The following TNFRSF18 variants were observed in gnomAD, a reference collection of about 807,000 sequenced individuals.
TNFRSF18 encodes the protein TNF receptor superfamily member 18.
Under a neutral mutation model 30.2 loss-of-function variants are expected in TNFRSF18, and 36 were observed. The ratio of observed to expected loss-of-function variants is 1.19; its 90% CI spans 0.91 to 1.58. The LOEUF is 1.58. Among genes scored for constraint, TNFRSF18 ranks in the 40% most tolerant of loss-of-function variants. TNFRSF18 has a pLI of 0.00. For missense variants in TNFRSF18, 369 were observed against 345.4 expected, an observed-to-expected ratio of 1.07 and a Z score of -0.54; for synonymous variants, 173 against 158.3, an observed-to-expected ratio of 1.09 and a Z score of -0.70.
chr1:1,204,514 G>C, intron 2 of TNFRSF18, 28 bp from the exon 3 acceptor site: 1 of 650,952 alleles, frequency 1.5e-6, no homozygotes, highest in Non-Finnish European at 2.9e-6. Flanking sequence ...GGGAGGGAGG[G>C]AGGGAGGCTG....
rs201894449 is a variant in TNFRSF18 at position 1,203,928 on chromosome 1, G to T, written c.642C>A (p.Asp214Glu). The T allele has an allele frequency of 3.2e-5, 51 of 1,607,656 alleles. No homozygotes were observed. The highest frequency in any genetic ancestry group is 4.2e-5 in the Non-Finnish European group (49 of 1,179,484). The change falls in exon 5 of 5, where the codon GAC (aspartate) becomes GAA (glutamate). Residue 214 changes from aspartate to glutamate, a missense_variant. Physicochemically the swap from Asp to Glu is conservative, Grantham distance 45. Coordinates refer to ENST00000379268, the MANE Select transcript of TNFRSF18 (RefSeq NM_004195.3). ...LLLEVPPSTE[D>E]ARSCQFPEEE... ...CCTCGGGGAACTGGCAGCTTCTGGC[G>T]TCTTCGGTCGACGGCGGCACCTCCA...
chr1:1,205,342 G>A, intron 2 of TNFRSF18, 28 bp downstream of exon 2: 1 of 1,603,528 alleles, frequency 6.2e-7, no homozygotes, highest in Non-Finnish European at 8.5e-7. Flanking sequence ...GGCCTGTGTG[G>A]ACTCCCAGAG....
chr1:1,204,009 C>T (rs1447266378), intron 4 of TNFRSF18, 25 bp downstream of exon 4: 2 of 1,607,584 alleles, frequency 1.2e-6, no homozygotes, highest in Non-Finnish European at 1.7e-6. Flanking sequence ...ATGCTCCCAC[C>T]TCCCCGCACC....
intron 1 of TNFRSF18, 170 bp from the exon 2 acceptor site, chr1:1,205,662 CTCTT>C (rs1648788449): frequency 1.4e-6 from 1 of 695,128 alleles, no homozygotes. Flanking sequence ...ATCCAGCTGT[CTCTT>C]TCTCCTGGGG....
At chr1:1,204,304 C>T in intron 3 of TNFRSF18, 68 bp from the exon 4 acceptor site, 1 of 1,590,714 alleles carries the variant, frequency 6.3e-7, no homozygotes, top group Non-Finnish European at 8.6e-7. Context: ...CCGGCTGCTG[C>T]CCTCCGTGCT....
chr1:1,203,699 G>T lies in TNFRSF18; in HGVS notation c.*145C>A. On this transcript the variant is annotated 3_prime_UTR_variant, in exon 5 of 5. Coordinates refer to ENST00000379268, the MANE Select transcript of TNFRSF18 (RefSeq NM_004195.3). ...CGGCCGCCGAACTGCATGGTCCAGG[G>T]CGCTGGTCACTGCCACCTTCCTGCA... 1 of 1,565,260 alleles carries T rather than the reference G, an allele frequency of 6.4e-7. No homozygotes were observed. Among genetic ancestry groups the T allele is most frequent in the Non-Finnish European group, 8.6e-7 (1 of 1,161,556 alleles).
chr1:1,203,664 G>C lies in TNFRSF18; in HGVS notation c.*180C>G. Reference sequence around the variant, plus strand: ...CTGTGTCTCTCTCTCCCTCCTGCAGGGCCCAGCCGCGGCCGCCGAACTGCA... The same window carrying C: ...CTGTGTCTCTCTCTCCCTCCTGCAGCGCCCAGCCGCGGCCGCCGAACTGCA... On this transcript the variant is annotated 3_prime_UTR_variant, in exon 5 of 5. Coordinates refer to ENST00000379268, the MANE Select transcript of TNFRSF18 (RefSeq NM_004195.3). 1 of 1,549,304 alleles carries C rather than the reference G, an allele frequency of 6.5e-7. No individual in the cohort carries two copies. The highest frequency in any genetic ancestry group is 8.7e-7 in the Non-Finnish European group (1 of 1,155,488).
Position 1,203,839 on chromosome 1 carries a change from C to A in TNFRSF18, c.*5G>T. 1.3e-6 allele frequency: 2 copies of A among 1,591,160 alleles called. No individual in the cohort carries two copies. The highest frequency in any genetic ancestry group is 1.7e-5 in the Admixed American group (1 of 58,522). ...GCGGTCGGTGGCCCCGGAGGACGGC[C>A]AGGCTCACACCCACAGGTCTCCCAG... On this transcript the variant is annotated 3_prime_UTR_variant, in exon 5 of 5. Transcript: ENST00000379268.
chr1:1,206,485 G>C lies in TNFRSF18; in HGVS notation c.87C>G (p.Thr29=). Residue 29 remains threonine (T), a synonymous_variant, in exon 1 of 5, where the codon ACC becomes ACG. Coordinates refer to ENST00000379268, the MANE Select transcript of TNFRSF18 (RefSeq NM_004195.3). The part of the protein sequence containing the change: ...LCALSLGQRP[T]GGPGCGPGRL... ...GCCCAGGGCCGCACCCGGGACCCCC[G>C]GTGGGGCGCTGACCCAGGCTGAGCG... 1 of 1,546,292 alleles carries C rather than the reference G, an allele frequency of 6.5e-7. No homozygotes were observed.
chr1:1,206,547 C>T lies in TNFRSF18; in HGVS notation c.25G>A (p.Ala9Thr), dbSNP rs551133267. The T allele has an allele frequency of 4.7e-5, 72 of 1,518,590 alleles. 1 individual carries two copies. In the Admixed American group the frequency reaches 4.9e-4, roughly 10 times the overall value. 94.1% of individuals were successfully genotyped at this position (1,518,590 alleles called of 1,614,324 possible). Residue 9 changes from alanine (A) to threonine (T), a missense_variant, in exon 1 of 5, where the codon GCG becomes ACG. Ala to Thr is a moderately conservative substitution (Grantham distance 58). Coordinates refer to ENST00000379268, the MANE Select transcript of TNFRSF18 (RefSeq NM_004195.3). MAQHGAMGAFRALCGLALL... is the reference protein window; with the variant it reads MAQHGAMGTFRALCGLALL... ...GCCAGGCCGCACAGGGCCCGAAACG[C>T]GCCCATCGCCCCGTGCTGTGCCATG...
At chr1:1,205,639 G>A (rs1648786949) in intron 1 of TNFRSF18, 147 bp from the exon 2 acceptor site, 19 of 821,822 alleles carry the variant, frequency 2.3e-5, no homozygotes, top group African/African-American at 3.5e-5. Context: ...CTGGGAGTCT[G>A]GACCCTGGGT....
intron 2 of TNFRSF18, among the ~76,000 whole-genome samples, chr1:1,205,018 A>G (rs1648745068): frequency 6.6e-6 from 1 of 152,166 alleles, no homozygotes; most frequent in Non-Finnish European, 1.5e-5. Flanking sequence ...GGCCCCAGAC[A>G]GGACTCCGGG....
Position 1,203,861 on chromosome 1 carries a change from C to T in TNFRSF18, c.709G>A (p.Gly237Arg). 1.3e-6 allele frequency: 2 copies of T among 1,596,488 alleles called. No individual in the cohort carries two copies. The highest frequency in any genetic ancestry group is 8.5e-7 in the Non-Finnish European group (1 of 1,175,978). ...ERSAEEKGRLGDLWV is the reference protein window; with the variant it reads ...ERSAEEKGRLRDLWV ...GGCCAGGCTCACACCCACAGGTCTC[C>T]CAGCCGCCCCTTCTCCTCTGCCGAT... The change falls in exon 5 of 5, where the codon GGA (glycine) becomes AGA (arginine). Residue 237 changes from glycine (G) to arginine (R), a missense_variant. Coordinates refer to ENST00000379268, the MANE Select transcript of TNFRSF18 (RefSeq NM_004195.3).
Position 1,203,847 on chromosome 1 carries a change from C to A in TNFRSF18, c.723G>T (p.Val241=). 6.3e-7 allele frequency: 1 copy of A among 1,593,356 alleles called. No homozygotes were observed. Among genetic ancestry groups the A allele is most frequent in the African/African-American group, 1.3e-5 (1 of 74,820 alleles). The change falls in exon 5 of 5, where the codon GTG becomes GTT. Residue 241 remains valine (V), a synonymous_variant. Transcript: ENST00000379268. ...TGGCCCCGGAGGACGGCCAGGCTCA[C>A]ACCCACAGGTCTCCCAGCCGCCCCT... ...EEKGRLGDLW[V]
chr1:1,205,457 C>A lies in TNFRSF18; in HGVS notation c.223G>T (p.Val75Phe), dbSNP rs1648772537. The A allele has an allele frequency of 6.2e-7, 1 of 1,612,478 alleles. No individual in the cohort carries two copies. The highest frequency in any genetic ancestry group is 1.3e-5 in the African/African-American group (1 of 74,916). ...ECCSEWDCMC[V>F]QPEFHCGDPC... ...TCTCCGCAGTGGAATTCAGGCTGGACACACATGCAGTCCCACTCGGAACAG... is the reference window on the plus strand; with the variant it reads ...TCTCCGCAGTGGAATTCAGGCTGGAAACACATGCAGTCCCACTCGGAACAG... Residue 75 changes from valine to phenylalanine, a missense_variant, in exon 2 of 5, where the codon GTC becomes TTC. Transcript: ENST00000379268.
chr1:1,204,376 G>C lies in TNFRSF18; in HGVS notation c.398+23C>G, dbSNP rs757220334. 1.5e-5 allele frequency: 24 copies of C among 1,609,972 alleles called. No individual in the cohort carries two copies. The East Asian group carries it at 4.5e-4, about 30-fold the overall frequency. The stretch of plus-strand genomic sequence containing the variant: ...AGTGGGCCTGGACCACCCGGCCACC[G>C]GCAGGGCCCACCCAGGACTCACTCT... On this transcript the variant is annotated intron_variant, in intron 3 of 4. Transcript: ENST00000379268.
chr1:1,205,370 C>A lies in TNFRSF18; in HGVS notation c.310G>T (p.Gly104Trp), dbSNP rs752438054. 1.2e-6 allele frequency: 2 copies of A among 1,611,510 alleles called. No homozygotes were observed. The highest frequency in any genetic ancestry group is 2.2e-5 in the East Asian group (1 of 44,830). The change falls in exon 2 of 5, where the codon GGG (glycine) becomes TGG (tryptophan). Residue 104 changes from glycine to tryptophan, a missense_variant and splice_region_variant. Transcript: ENST00000379268. The part of the protein sequence containing the change: ...CPPGQGVQSQ[G>W]KFSFGFQCID... ...TCCCAGAGGCACCTCCAGGACTTACCCTGGGACTGTACCCCCTGGCCTGGG... is the reference window on the plus strand; with the variant it reads ...TCCCAGAGGCACCTCCAGGACTTACACTGGGACTGTACCCCCTGGCCTGGG...
chr1:1,203,661 C>T lies in TNFRSF18; in HGVS notation c.*183G>A, dbSNP rs1286841143. ...TGACTGTGTCTCTCTCTCCCTCCTGCAGGGCCCAGCCGCGGCCGCCGAACT... is the reference window on the plus strand; with the variant it reads ...TGACTGTGTCTCTCTCTCCCTCCTGTAGGGCCCAGCCGCGGCCGCCGAACT... On this transcript the variant is annotated 3_prime_UTR_variant, in exon 5 of 5. Coordinates refer to ENST00000379268, the MANE Select transcript of TNFRSF18 (RefSeq NM_004195.3). The T allele has an allele frequency of 2.6e-6, 4 of 1,549,668 alleles. No homozygotes were observed. Among genetic ancestry groups the T allele is most frequent in the Non-Finnish European group, 2.6e-6 (3 of 1,155,698 alleles).
At chr1:1,205,995 G>C (rs1237869286) in intron 1 of TNFRSF18, among the ~76,000 whole-genome samples, 2 of 152,238 alleles carry the variant, frequency 1.3e-5, no homozygotes, top group South Asian at 4.1e-4. Context: ...ATCCCCAGGT[G>C]CAGGTCAGAG....
Sources: allele counts gnomAD v4.1 joint callset (sites outside exome capture counted in the v4.1 genomes callset), GRCh38; gene constraint gnomAD v4.1.1; transcripts MANE v1.5; gene names NCBI Gene and HGNC (gene_info 2026-07-23, HGNC 2026-07-21).